Variants in CUL2 observed in about 807,000 individuals in gnomAD.
CUL2 encodes cullin 2.
A neutral mutation model predicts 110.2 loss-of-function variants in CUL2; 22 were observed. The ratio of observed to expected loss-of-function variants is 0.20; its 90% confidence interval spans 0.14 to 0.28. CUL2 has a LOEUF of 0.28. CUL2 is among the 10% of genes least tolerant of loss of function. CUL2 has a pLI of 1.00. For missense variants in CUL2, 631 were observed against 905.5 expected (o/e 0.70, Z 3.89); for synonymous variants, 279 against 293.2 (o/e 0.95, Z 0.49).
intron 1 of CUL2, among the ~76,000 whole-genome samples, chr10:35,079,368 T>C (rs1410116396): frequency 6.6e-6 from 1 of 152,200 alleles, no homozygotes; most frequent in Admixed American, 6.5e-5. Flanking sequence ...TCTGTATTCC[T>C]GAATATGTGT....
At chr10:35,074,474 C>G (rs1300143145) in intron 1 of CUL2, 1 of 555,124 alleles carries the variant, frequency 1.8e-6, no homozygotes, top group Non-Finnish European at 3.2e-6. Flanking sequence ...CCACCTAACT[C>G]CCACTGATAG....
At chr10:35,032,288 T>C (rs954259968) in intron 12 of CUL2, 147 bp downstream of exon 12, 7 of 661,674 alleles carry the variant, frequency 1.1e-5, no homozygotes, top group Admixed American at 1.1e-4. Flanking sequence ...ATTCCTTACA[T>C]AAATGCCAAA....
chr10:35,085,155 G>A (rs186861092), intron 1 of CUL2, among the ~76,000 whole-genome samples: 521 of 151,358 alleles, frequency 3.4e-3, no homozygotes, highest in African/African-American at 0.012. Context: ...CTGGCTGGGT[G>A]TGGTGGCTCA....
intron 17 of CUL2, among the ~76,000 whole-genome samples, 188 bp from the exon 18 acceptor site, chr10:35,016,582 G>A (rs1202571312): frequency 6.6e-6 from 1 of 152,140 alleles, no homozygotes; most frequent in African/African-American, 2.4e-5. Flanking sequence ...TATTAGTTTT[G>A]AGTATATGGT....
rs892829553 is a variant in CUL2 at position 35,029,554 on chromosome 10, G to A, written c.1473C>T (p.Asn491=). 6 of 1,588,038 alleles carry A rather than the reference G, an allele frequency of 3.8e-6. No individual in the cohort carries two copies. The African/African-American group carries it at 8.2e-5, about 22-fold the overall frequency. Reference sequence around the variant, plus strand: ...CTGTGTCTTGGTTTTTGATAAAATTGTTGAACTTATTGTTGAGATCAGCGC... The same window carrying A: ...CTGTGTCTTGGTTTTTGATAAAATTATTGAACTTATTGTTGAGATCAGCGC... ...SVSADLNNKF[N]NFIKNQDTVI... is the part of the protein sequence containing the mutation. The change falls in exon 15 of 21, where the codon AAC becomes AAT. Residue 491 remains asparagine (N), a synonymous_variant. Coordinates refer to ENST00000374749, the MANE Select transcript of CUL2 (RefSeq NM_003591.4).
At chr10:35,111,294 C>A (rs867917751) in intron 1 of CUL2, among the ~76,000 whole-genome samples, 1 of 151,588 alleles carries the variant, frequency 6.6e-6, no homozygotes. Context: ...GTTCTGTTGC[C>A]CAACTGGAGT....
intron 1 of CUL2, among the ~76,000 whole-genome samples, chr10:35,119,465 C>T (rs557157269): frequency 6.6e-6 from 1 of 152,114 alleles, no homozygotes; most frequent in Non-Finnish European, 1.5e-5. Flanking sequence ...CTAATTTTAG[C>T]TCTCTGTGAA....
intron 2 of CUL2, 102 bp from the exon 3 acceptor site, chr10:35,063,164 G>T: frequency 1.5e-6 from 1 of 678,126 alleles, no homozygotes; most frequent in Non-Finnish European, 2.5e-6. Flanking sequence ...ATTTCTTTTT[G>T]TGGTTTAGCT....
At chr10:35,010,523 G>A in intron 20 of CUL2, 81 bp from the exon 21 acceptor site, 1 of 1,361,722 alleles carries the variant, frequency 7.3e-7, no homozygotes, top group Non-Finnish European at 9.8e-7. Context: ...AGTTTAAAGT[G>A]CCTCAAATGT....
chr10:35,042,442 T>C (rs1202264791), intron 8 of CUL2, among the ~76,000 whole-genome samples: 1 of 152,180 alleles, frequency 6.6e-6, no homozygotes, highest in African/African-American at 2.4e-5. Flanking sequence ...TCTTTAGTTA[T>C]AATGTTGAGT....
At chr10:35,124,487 A>G (rs192539594) in intron 1 of CUL2, among the ~76,000 whole-genome samples, 26 of 152,228 alleles carry the variant, frequency 1.7e-4, no homozygotes, top group Admixed American at 1.4e-3. Context: ...TAACAAACAA[A>G]TGGGTGGTGA....
At chr10:35,067,972 T>C (rs1369838123) in intron 2 of CUL2, among the ~76,000 whole-genome samples, 1 of 151,360 alleles carries the variant, frequency 6.6e-6, no homozygotes, top group Non-Finnish European at 1.5e-5. Context: ...TAGCCGGGCA[T>C]TGTGGTGGGC....
intron 1 of CUL2, among the ~76,000 whole-genome samples, chr10:35,089,608 A>C (rs769547777): frequency 2.0e-5 from 3 of 152,206 alleles, no homozygotes; most frequent in Non-Finnish European, 2.9e-5. Flanking sequence ...TTTTATTTGC[A>C]TGCACGTAAT....
rs1236669404 is a variant in CUL2 at position 35,106,348 on chromosome 10, C to A, written c.-50-5288G>T. Among the ~76,000 whole-genome samples the A allele has an allele frequency of 3.4e-5, 5 of 149,160 alleles. No individual in the cohort carries two copies. The South Asian group carries it at 8.4e-4, about 25-fold the overall frequency. On this transcript the variant is annotated intron_variant, in intron 1 of 5. Coordinates refer to the CUL2 transcript ENST00000685421. Reference sequence around the variant, plus strand: ...TTTTTTTGTTTGTTTGAGAAGGAGTCTCACTCTGTAGCCCAGGCTGGAGTG... The same window carrying A: ...TTTTTTTGTTTGTTTGAGAAGGAGTATCACTCTGTAGCCCAGGCTGGAGTG...
At chr10:35,055,431 CAATT>C (rs1040323016) in intron 4 of CUL2, among the ~76,000 whole-genome samples, 27 of 152,320 alleles carry the variant, frequency 1.8e-4, no homozygotes, top group African/African-American at 5.8e-4. Flanking sequence ...TTTTGGGAAA[CAATT>C]AAACACATAA....
At chr10:35,097,454 C>A (rs2135099949) in intron 2 of CUL2, among the ~76,000 whole-genome samples, 1 of 150,204 alleles carries the variant, frequency 6.7e-6, no homozygotes, top group Non-Finnish European at 1.5e-5. Context: ...CGCACCATTG[C>A]CCTCCAGCTT....
At chr10:35,073,373 A>G (rs1362667417) in intron 1 of CUL2, among the ~76,000 whole-genome samples, 2 of 152,206 alleles carry the variant, frequency 1.3e-5, no homozygotes, top group South Asian at 2.1e-4. Context: ...CCTATCATCA[A>G]CTGTGCACAT....
At chr10:35,043,374 G>A (rs2085844850) in intron 8 of CUL2, among the ~76,000 whole-genome samples, 1 of 151,392 alleles carries the variant, frequency 6.6e-6, no homozygotes, top group Non-Finnish European at 1.5e-5. Flanking sequence ...CTTAATTGAT[G>A]GGGGAAAAGT....
At chr10:35,036,644 G>A in intron 9 of CUL2, among the ~76,000 whole-genome samples, 1 of 152,188 alleles carries the variant, frequency 6.6e-6, no homozygotes, top group East Asian at 1.9e-4. Flanking sequence ...CTATTCTGCA[G>A]TGCCTGTTTT....
Sources: allele counts gnomAD v4.1 joint callset (sites outside exome capture counted in the v4.1 genomes callset), GRCh38; gene constraint gnomAD v4.1.1; transcripts MANE v1.5; gene names NCBI Gene and HGNC (gene_info 2026-07-23, HGNC 2026-07-21).